The following MYO15A variants were observed in gnomAD, a reference collection of about 807,000 sequenced individuals.
MYO15A encodes the protein myosin XVA, also known as unconventional myosin-XV.
Under a neutral mutation model 394.6 loss-of-function variants are expected in MYO15A, and 308 were observed. That is an observed-to-expected ratio of 0.78 (90% CI 0.71 to 0.86). MYO15A has a LOEUF of 0.86. MYO15A is among the 40% of genes least tolerant of loss of function. The pLI is 0.00. For missense variants in MYO15A, 4,606 were observed against 4,799.1 expected (o/e 0.96, Z 1.19); for synonymous variants, 1,957 against 2,003.8 (o/e 0.98, Z 0.62).
In MYO15A at chr17:18,117,651, CTT is replaced by C. The variant is rs2045809225; in HGVS notation, c.-219-928_-219-927del. On this transcript the variant is annotated intron_variant, in intron 1 of 65. Coordinates refer to ENST00000647165, the MANE Select transcript of MYO15A (RefSeq NM_016239.4). This position sits in a 1 kb window ranked among gnomAD's most constrained non-coding sequence, Gnocchi z 4.1. ...GCCCAGTTTTTCCCACCCCCTACCTCTTTTAGTGCAGGTTCTCAAAAGTGAGT... is the reference window on the plus strand; with the variant it reads ...GCCCAGTTTTTCCCACCCCCTACCTCTTAGTGCAGGTTCTCAAAAGTGAGT... Among the ~76,000 whole-genome samples, 1 of 152,228 alleles carries C rather than the reference CTT, an allele frequency of 6.6e-6. No individual in the cohort carries two copies.
Position 18,150,661 on chromosome 17 carries a change from T to C in MYO15A, c.7328-37T>C. On this transcript the variant is annotated intron_variant, in intron 36 of 65. Transcript: ENST00000647165. This position sits in a 1 kb window ranked among gnomAD's most constrained non-coding sequence, Gnocchi z 4.4. ...CTGAGAGGACAGGGAGGAGGGCATC[T>C]CCGGTGCCATCTGTGCCTTCTGCCC... The C allele has an allele frequency of 1.3e-6, 2 of 1,591,504 alleles. No individual in the cohort carries two copies. The highest frequency in any genetic ancestry group is 1.7e-6 in the Non-Finnish European group (2 of 1,167,178).
intron 54 of MYO15A, 96 bp downstream of exon 54, chr17:18,159,443 C>A (rs1041019196): frequency 1.3e-5 from 20 of 1,509,816 alleles, no homozygotes; most frequent in Middle Eastern, 1.7e-4. Context: ...TCTTCAGATT[C>A]TTTCCCTCCC....
Position 18,161,384 on chromosome 17 carries a change from C to G in MYO15A, c.9454C>G (p.Leu3152Val). 1 of 1,614,092 alleles carries G rather than the reference C, an allele frequency of 6.2e-7. No homozygotes were observed. Among genetic ancestry groups the G allele is most frequent in the Middle Eastern group, 1.6e-4 (1 of 6,062 alleles). ...CGCCTACCACAGCTGCTCTGAGGTC[C>G]TCCACCCACACCTCACTCGCTTCCT... is the stretch of plus-strand genomic sequence containing the variant. The part of the protein sequence containing the change: ...VTAYHSCSEV[L>V]HPHLTRFLQD... The change falls in exon 57 of 66, where the codon CTC becomes GTC. Residue 3152 changes from leucine (L) to valine (V), a missense_variant. Leu to Val is a conservative substitution (Grantham distance 32). Around this residue, in one of 2 missense-constraint regions of MYO15A, gnomAD observed 2,776 missense variants for 3,109.3 expected, o/e 0.89. Coordinates refer to ENST00000647165, the MANE Select transcript of MYO15A (RefSeq NM_016239.4).
chr17:18,119,370 C>G lies in MYO15A; in HGVS notation c.570C>G (p.Phe190Leu), dbSNP rs755187371. 6.2e-7 allele frequency: 1 copy of G among 1,609,450 alleles called. No homozygotes were observed. The highest frequency in any genetic ancestry group is 1.7e-5 in the Admixed American group (1 of 59,982). The change falls in exon 2 of 66, where the codon TTC becomes TTG. Residue 190 changes from phenylalanine (F) to leucine (L), a missense_variant. Around this residue, in one of 2 missense-constraint regions of MYO15A, gnomAD observed 1,830 missense variants for 1,689.7 expected, o/e 1.08. Coordinates refer to ENST00000647165, the MANE Select transcript of MYO15A (RefSeq NM_016239.4). Reference protein sequence around the residue: ...ILRPGGRLRRFPRSRSIYASG... With the variant: ...ILRPGGRLRRLPRSRSIYASG... ...GGCCTGGGGGCCGGCTCCGGAGGTTCCCCCGCAGCCGCAGCATCTACGCGT... is the reference window on the plus strand; with the variant it reads ...GGCCTGGGGGCCGGCTCCGGAGGTTGCCCCGCAGCCGCAGCATCTACGCGT...
Position 18,118,762 on chromosome 17 carries a change from G to T in MYO15A, c.-39G>T. ...TGTGTCTCCAAGTCCCTGAGCCCGT[G>T]ACACCGGCCCCAGGCCCTGTAGAGA... On this transcript the variant is annotated 5_prime_UTR_variant, in exon 2 of 66. Transcript: ENST00000647165. The T allele has an allele frequency of 6.2e-7, 1 of 1,607,534 alleles. No homozygotes were observed. Among genetic ancestry groups the T allele is most frequent in the South Asian group, 1.1e-5 (1 of 89,874 alleles).
Position 18,120,520 on chromosome 17 carries a change from C to T in MYO15A, c.1720C>T (p.Arg574Trp), listed in dbSNP as rs1373892312. ...PVPRPATSLA[R>W]FLKKTLSEKK... is the part of the protein sequence containing the mutation. ...GCCTCGCCCTGCCACCTCGCTTGCG[C>T]GGTTCCTCAAGAAGACGCTGTCGGA... is the stretch of plus-strand genomic sequence containing the variant. Residue 574 changes from arginine to tryptophan, a missense_variant, in exon 2 of 66, where the codon CGG becomes TGG. Coordinates refer to ENST00000647165, the MANE Select transcript of MYO15A (RefSeq NM_016239.4). 1.9e-6 allele frequency: 3 copies of T among 1,587,858 alleles called. No homozygotes were observed. In the South Asian group the frequency reaches 3.4e-5, roughly 18 times the overall value.
intron 2 of MYO15A, chr17:18,122,799 T>G: frequency 4.9e-6 from 1 of 204,116 alleles, no homozygotes. Context: ...ATCCATCCTG[T>G]TCCACCGCAC....
Position 18,178,833 on chromosome 17 carries a change from G to C in MYO15A, c.10556G>C (p.Arg3519Pro), listed in dbSNP as rs374002949. The change falls in exon 66 of 66, where the codon CGG becomes CCG. Residue 3519 changes from arginine to proline, a missense_variant. Arg to Pro is a moderately radical substitution (Grantham distance 103). Around this residue, in one of 2 missense-constraint regions of MYO15A, gnomAD observed 2,776 missense variants for 3,109.3 expected, o/e 0.89. Coordinates refer to ENST00000647165, the MANE Select transcript of MYO15A (RefSeq NM_016239.4). ...VENLLSAHEKRLTLPPSEITL... is the reference protein window; with the variant it reads ...VENLLSAHEKPLTLPPSEITL... ...AACCTGCTCAGTGCCCATGAGAAGC[G>C]GCTCACATTGCCCCCCAGCGAGATC... 6.7e-5 allele frequency: 108 copies of C among 1,613,660 alleles called. No homozygotes were observed. The highest frequency in any genetic ancestry group is 8.6e-5 in the Non-Finnish European group (101 of 1,180,012).
chr17:18,178,174 A>C (rs1490759732), intron 65 of MYO15A: 2 of 175,706 alleles, frequency 1.1e-5, no homozygotes, highest in Non-Finnish European at 2.5e-5. Context: ...GATGGAGACC[A>C]TCCTAGCCAA....
At chr17:18,126,686 TGG>T in intron 5 of MYO15A, 103 bp from the exon 6 acceptor site, 2 of 1,339,040 alleles carry the variant, frequency 1.5e-6, no homozygotes, top group Non-Finnish European at 2.1e-6. Flanking sequence ...GGGTGAGGGG[TGG>T]GCAGGATTGG....
At chr17:18,167,813 C>CA in intron 62 of MYO15A, 90 bp downstream of exon 62, 3 of 1,557,250 alleles carry the variant, frequency 1.9e-6, no homozygotes, top group Non-Finnish European at 2.6e-6. Flanking sequence ...TGGCAGTCCC[C>CA]AGGCCCTCAG....
Position 18,153,884 on chromosome 17 carries a change from C to G in MYO15A, c.8076C>G (p.Phe2692Leu), listed in dbSNP as rs1164818579. 1.2e-6 allele frequency: 2 copies of G among 1,613,476 alleles called. No homozygotes were observed. The highest frequency in any genetic ancestry group is 1.7e-6 in the Non-Finnish European group (2 of 1,180,010). ...YGYQDAPWKI[F>L]LRKEVFYPKD... ...ATCAGGACGCCCCCTGGAAGATCTT[C>G]CTGCGCAAAGAGGTGCCGAGCACAG... Residue 2692 changes from phenylalanine to leucine, a missense_variant, in exon 43 of 66, where the codon TTC (phenylalanine) becomes TTG (leucine). By Grantham distance (22) the Phe-to-Leu change is conservative (BLOSUM62 0). This residue lies in a region of MYO15A where 2,776 missense variants were observed against 3,109.3 expected (regional missense o/e 0.89). Transcript: ENST00000647165. The surrounding 1 kb of genome is among the most constrained non-coding windows in gnomAD (Gnocchi z 4.1).
Position 18,127,170 on chromosome 17 carries a change from G to A in MYO15A, c.4032+5G>A. On this transcript the variant is annotated splice_donor_5th_base_variant and intron_variant, in intron 7 of 65. Transcript: ENST00000647165. ...AAACGGGAGGTCATGCAGCAGGTGA[G>A]TCTACCTGTCTCCCCAGGACCCTAG... 6.2e-7 allele frequency: 1 copy of A among 1,613,424 alleles called. No homozygotes were observed.
intron 61 of MYO15A, 37 bp from the exon 62 acceptor site, chr17:18,167,553 C>T: frequency 6.3e-7 from 1 of 1,599,818 alleles, no homozygotes; most frequent in South Asian, 1.1e-5. Context: ...TGCACGCGTG[C>T]CTGCCTGGCA....
At chr17:18,159,426 T>G in intron 54 of MYO15A, 79 bp downstream of exon 54, 1 of 1,542,426 alleles carries the variant, frequency 6.5e-7, no homozygotes, top group Non-Finnish European at 9.0e-7. Context: ...TTGCCACTCC[T>G]CCCTGATCTT....
rs1315649603 is a variant in MYO15A, at chr17:18,143,712, T to C, written c.5965-3T>C. 6.3e-7 allele frequency: 1 copy of C among 1,593,592 alleles called. No homozygotes were observed. Among genetic ancestry groups the C allele is most frequent in the Non-Finnish European group, 8.5e-7 (1 of 1,170,840 alleles). On this transcript the variant is annotated splice_region_variant and splice_polypyrimidine_tract_variant and intron_variant, in intron 26 of 65. Transcript: ENST00000647165. ...GTCCCTGTCCCATGCACTGTCCCTC[T>C]AGGAGCTGAGCAAGCGGGAGGTAGT... is the stretch of plus-strand genomic sequence containing the variant.
Position 18,133,375 on chromosome 17 carries a change from G to A in MYO15A, c.4471G>A (p.Glu1491Lys), listed in dbSNP as rs769873218. 5.6e-6 allele frequency: 9 copies of A among 1,614,072 alleles called. No individual in the cohort carries two copies. Among genetic ancestry groups the A allele is most frequent in the Non-Finnish European group, 7.6e-6 (9 of 1,180,036 alleles). Residue 1491 changes from glutamate (E) to lysine (K), a missense_variant, in exon 12 of 66, where the codon GAG becomes AAG. Coordinates refer to ENST00000647165, the MANE Select transcript of MYO15A (RefSeq NM_016239.4). ...CCTGCACCTGGGCAACGTCTACTTT[G>A]AGAAGTATGAGGTGAGGGGACGCCA... is the stretch of plus-strand genomic sequence containing the variant. ...SILHLGNVYF[E>K]KYETDAQEVA...
chr17:18,168,917 C>T (rs1488861882), intron 62 of MYO15A, among the ~76,000 whole-genome samples: 1 of 150,616 alleles, frequency 6.6e-6, no homozygotes, highest in Non-Finnish European at 1.5e-5. Flanking sequence ...GCCTGGCCAA[C>T]ATGGTGAAAC....
At position 18,153,942 on chromosome 17, in the gene MYO15A, G is replaced by A. The variant is rs763695083; in HGVS notation, c.8088+46G>A. The A allele has an allele frequency of 1.5e-5, 24 of 1,610,646 alleles. No homozygotes were observed. In the South Asian group the frequency reaches 2.6e-4, roughly 18 times the overall value. ...CAGGGGAGGGGCTGAAGCGGGGCAG[G>A]GGAGGGGCTGAAGCGAGCAGAGGAG... On this transcript the variant is annotated intron_variant, in intron 43 of 65. Transcript: ENST00000647165. The surrounding 1 kb of genome is among the most constrained non-coding windows in gnomAD (Gnocchi z 4.1).
Sources: allele counts gnomAD v4.1 joint callset (sites outside exome capture counted in the v4.1 genomes callset), GRCh38; gene constraint gnomAD v4.1.1; regional missense constraint gnomAD v4.1.1; non-coding constraint Gnocchi (gnomAD v3.1); transcripts MANE v1.5; gene names NCBI Gene and HGNC (gene_info 2026-07-23, HGNC 2026-07-21).